The following HMCN1 variants were observed in gnomAD, a reference collection of about 807,000 sequenced individuals.
The protein encoded by HMCN1 is hemicentin 1, also known as hemicentin-1.
In HMCN1, 321 loss-of-function variants were observed where a neutral mutation model predicts 625.9. The observed-to-expected ratio is 0.51, with a 90% CI of 0.47 to 0.56. HMCN1 has a LOEUF of 0.56. HMCN1 is among the 20% of genes least tolerant of loss of function. HMCN1 has a pLI of 0.00. For synonymous variants in HMCN1, 2,425 were observed against 2,417.6 expected (o/e 1.00, Z -0.09); for missense variants, 6,588 against 6,887.3 (o/e 0.96, Z 1.54).
chr1:185,999,856 G>A (rs1653056965), intron 25 of HMCN1, among the ~76,000 whole-genome samples, 189 bp from the exon 26 acceptor site: 1 of 152,024 alleles, frequency 6.6e-6, no homozygotes, highest in Non-Finnish European at 1.5e-5. Context: ...AAGACCCACC[G>A]GGATTTAGAG....
rs41317481 is a variant in HMCN1, at chr1:186,078,040, G to C, written c.8486-67G>C. On this transcript the variant is annotated intron_variant, in intron 54 of 106. Transcript: ENST00000271588. ...AGGCAGTCATTAGACCTGAAAATTT[G>C]TATCTGTTTATGGCTTGTGTTCACT... The C allele has an allele frequency of 8.7e-4, 1,044 of 1,196,368 alleles. 3 individuals carry two copies. The highest frequency in any genetic ancestry group is 5.1e-3 in the Middle Eastern group (27 of 5,302). The allele number at this position is 1,196,368 out of a possible 1,614,324, so 74.1% of individuals were successfully genotyped here. A position where few individuals can be genotyped will look rare whatever the true frequency, so the allele number is the denominator to read the frequency against.
chr1:185,909,471 TG>T lies in HMCN1; in HGVS notation c.759del (p.Pro254LeufsTer4). The T allele has an allele frequency of 6.2e-7, 1 of 1,613,554 alleles. No individual in the cohort carries two copies. Among genetic ancestry groups the T allele is most frequent in the Non-Finnish European group, 8.5e-7 (1 of 1,179,626 alleles). On this transcript the variant is annotated frameshift_variant, in exon 5 of 107. Transcript: ENST00000271588. LOFTEE classifies it high-confidence loss of function. ...SLKEVTVSLS[G>X]PSPMIEIRNP... is the part of the protein sequence containing the mutation. Reference sequence around the variant, plus strand: ...TGAAAGAGGTCACTGTGTCTTTGAGTGGGCCTTCTCCAATGATTGAAATTCG... The same window carrying T: ...TGAAAGAGGTCACTGTGTCTTTGAGTGGCCTTCTCCAATGATTGAAATTCG...
intron 86 of HMCN1, among the ~76,000 whole-genome samples, chr1:186,133,436 T>A (rs1175801656): frequency 6.6e-6 from 1 of 152,198 alleles, no homozygotes; most frequent in Non-Finnish European, 1.5e-5. Context: ...AGCCCTTCAG[T>A]AAGAGTCATC....
At chr1:185,899,320 A>G (rs764904580) in intron 4 of HMCN1, among the ~76,000 whole-genome samples, 10 of 152,182 alleles carry the variant, frequency 6.6e-5, no homozygotes, top group African/African-American at 9.6e-5. Context: ...ATTTCTGTAG[A>G]GAATATTACA....
At chr1:186,002,846 A>G (rs1193484149) in intron 28 of HMCN1, among the ~76,000 whole-genome samples, 2 of 152,120 alleles carry the variant, frequency 1.3e-5, no homozygotes, top group Non-Finnish European at 2.9e-5. Flanking sequence ...TGGTTATTCC[A>G]GAACCTCCAG....
intron 94 of HMCN1, 66 bp downstream of exon 94, chr1:186,151,415 T>TA: frequency 6.7e-7 from 1 of 1,485,204 alleles, no homozygotes; most frequent in Non-Finnish European, 9.3e-7. Flanking sequence ...TTACTTCCAT[T>TA]AAAGTTCTAG....
intron 4 of HMCN1, among the ~76,000 whole-genome samples, chr1:185,894,679 C>A (rs1157914822): frequency 6.6e-6 from 1 of 152,074 alleles, no homozygotes; most frequent in Non-Finnish European, 1.5e-5. Context: ...TTCATTTTAG[C>A]CATTCTAGTA....
At position 185,825,957 on chromosome 1, in the gene HMCN1, A is replaced by G. The variant is rs376909806; in HGVS notation, c.269-20069A>G. ...TCTAATCAGGGATTATTTTGTTTCTATAAAAACTAAATATTTAAAAGTTAT... is the reference window on the plus strand; with the variant it reads ...TCTAATCAGGGATTATTTTGTTTCTGTAAAAACTAAATATTTAAAAGTTAT... On this transcript the variant is annotated intron_variant, in intron 1 of 106. Transcript: ENST00000271588. Among the ~76,000 whole-genome samples the G allele has an allele frequency of 1.1e-4, 17 of 152,368 alleles. 1 individual carries two copies. In the East Asian group the frequency reaches 2.1e-3, roughly 19 times the overall value.
chr1:185,845,734 G>A (rs955284585), intron 1 of HMCN1, among the ~76,000 whole-genome samples: 4 of 152,248 alleles, frequency 2.6e-5, no homozygotes, highest in South Asian at 4.1e-4. Flanking sequence ...ATTTACTGAC[G>A]AGAATAAGAA....
chr1:185,889,544 C>T (rs1195792686), intron 4 of HMCN1, among the ~76,000 whole-genome samples: 74 of 135,652 alleles, frequency 5.5e-4, no homozygotes, highest in Non-Finnish European at 9.8e-4. Flanking sequence ...TGTCAAAGGC[C>T]TTTTCTGCAT....
chr1:185,951,442 G>A (rs953713144), intron 11 of HMCN1, among the ~76,000 whole-genome samples: 3 of 150,718 alleles, frequency 2.0e-5, no homozygotes, highest in East Asian at 1.9e-4. Context: ...AATGTGGAGC[G>A]GGTAGCCTCT....
rs551250406 is a variant in HMCN1 at position 185,858,011 on chromosome 1, A to G, written c.340-6459A>G. 5.9e-5 allele frequency among the ~76,000 whole-genome samples: 9 copies of G among 152,340 alleles called. No homozygotes were observed. In the East Asian group the frequency reaches 1.7e-3, roughly 29 times the overall value. On this transcript the variant is annotated intron_variant, in intron 2 of 106. Coordinates refer to ENST00000271588, the MANE Select transcript of HMCN1 (RefSeq NM_031935.3). Reference sequence around the variant, plus strand: ...GTTCAAGAAGATAATAAAATGCCTCACAGGAGTTTGCATGAATTTTCAGGC... The same window carrying G: ...GTTCAAGAAGATAATAAAATGCCTCGCAGGAGTTTGCATGAATTTTCAGGC...
intron 4 of HMCN1, among the ~76,000 whole-genome samples, chr1:185,896,331 G>A (rs1019434276): frequency 6.6e-5 from 10 of 151,814 alleles, no homozygotes; most frequent in African/African-American, 2.4e-4. Flanking sequence ...TGAATACATA[G>A]TATTAATAAG....
intron 29 of HMCN1, among the ~76,000 whole-genome samples, chr1:186,004,488 A>G (rs1369738163): frequency 6.6e-6 from 1 of 152,224 alleles, no homozygotes; most frequent in Non-Finnish European, 1.5e-5. Context: ...CAAACAGCAA[A>G]ATAGAAAATA....
At chr1:185,747,885 C>T (rs1021510423) in intron 1 of HMCN1, among the ~76,000 whole-genome samples, 2 of 152,052 alleles carry the variant, frequency 1.3e-5, no homozygotes, top group Non-Finnish European at 2.9e-5. Context: ...GAAGGAATTC[C>T]TTGATGTTCT....
chr1:186,060,464 C>T (rs76128592), intron 46 of HMCN1, among the ~76,000 whole-genome samples: 2 of 152,054 alleles, frequency 1.3e-5, no homozygotes, highest in East Asian at 3.9e-4. Flanking sequence ...GGTTTTGTTT[C>T]ATCTCATTTG....
At chr1:185,927,041 G>A (rs1316820229) in intron 9 of HMCN1, among the ~76,000 whole-genome samples, 1 of 152,128 alleles carries the variant, frequency 6.6e-6, no homozygotes, top group Non-Finnish European at 1.5e-5. Flanking sequence ...TTAGTAAACT[G>A]GTTGTATGTC....
chr1:185,791,373 A>G (rs912651109), intron 1 of HMCN1, among the ~76,000 whole-genome samples: 1 of 151,414 alleles, frequency 6.6e-6, no homozygotes, highest in East Asian at 1.9e-4. Flanking sequence ...TTAATTGACC[A>G]TGAACATTGT....
intron 2 of HMCN1, among the ~76,000 whole-genome samples, chr1:185,854,784 T>C (rs905442934): frequency 6.6e-6 from 1 of 152,220 alleles, no homozygotes; most frequent in African/African-American, 2.4e-5. Context: ...ATGTGATGTC[T>C]TTGTAAATCA....
Sources: gnomAD v4.1 joint callset for allele counts (sites outside exome capture counted in the v4.1 genomes callset) on GRCh38, gnomAD v4.1.1 for gene constraint, MANE v1.5 for transcripts, NCBI Gene and HGNC (gene_info 2026-07-23, HGNC 2026-07-21) for gene names.